DIAPH2: variants seen among roughly 807,000 people sequenced by gnomAD.
The protein encoded by DIAPH2 is diaphanous related formin 2, also known as protein diaphanous homolog 2.
DIAPH2 carries 35 observed loss-of-function variants against 92.7 expected under a neutral mutation model. The ratio of observed to expected loss-of-function variants is 0.38; its 90% CI spans 0.29 to 0.50. The LOEUF (loss-of-function observed/expected upper bound fraction) is 0.50, where lower values mean the gene tolerates loss of function less well. Ranked by LOEUF, DIAPH2 falls within the 20% of genes least tolerant of loss-of-function variation. The pLI, the probability that DIAPH2 is intolerant of heterozygous loss-of-function variation, is 0.94. For missense variants in DIAPH2, 701 were observed against 819.5 expected, an observed-to-expected ratio of 0.86 and a Z score of 1.77; for synonymous variants, 301 against 280.4, an observed-to-expected ratio of 1.07 and a Z score of -0.73.
At chrX:96,743,694 G>C (rs1188017726) in intron 3 of DIAPH2, among the ~76,000 whole-genome samples, 1 of 111,665 alleles carries the variant, frequency 9.0e-6, no homozygotes, top group Non-Finnish European at 1.9e-5. Context: ...AGGGTAATTG[G>C]GCAGTGGGGA....
chrX:97,116,410 A>G (rs775595739), intron 21 of DIAPH2, among the ~76,000 whole-genome samples: 12 of 112,217 alleles, frequency 1.1e-4, no homozygotes, highest in Admixed American at 6.6e-4. Context: ...ATATTTGGGG[A>G]CATGTAAAAT....
intron 17 of DIAPH2, among the ~76,000 whole-genome samples, chrX:96,975,778 T>C (rs1224773111): frequency 9.0e-6 from 1 of 111,020 alleles, no homozygotes; most frequent in Non-Finnish European, 1.9e-5. Flanking sequence ...TAACTTCACA[T>C]GGTGGAAGTG....
At chrX:97,126,031 C>T (rs1022129611) in intron 21 of DIAPH2, among the ~76,000 whole-genome samples, 5 of 111,731 alleles carry the variant, frequency 4.5e-5, no homozygotes, top group African/African-American at 1.3e-4. Flanking sequence ...TAAATGAACC[C>T]AGCTGGCTTC....
intron 26 of DIAPH2, among the ~76,000 whole-genome samples, chrX:97,537,828 G>C (rs1220431794): frequency 9.0e-6 from 1 of 110,545 alleles, no homozygotes; most frequent in East Asian, 2.8e-4. Flanking sequence ...TCAGTGGCTT[G>C]ACTATAACCT....
chrX:97,062,474 T>C (rs2066605776), intron 17 of DIAPH2, among the ~76,000 whole-genome samples: 1 of 110,978 alleles, frequency 9.0e-6, no homozygotes, highest in South Asian at 3.9e-4. Context: ...GGTATGAGTG[T>C]GTTAGAATTC....
chrX:97,350,315 A>C (rs1164492716), intron 24 of DIAPH2, among the ~76,000 whole-genome samples: 1 of 111,087 alleles, frequency 9.0e-6, no homozygotes. Flanking sequence ...AAGAATATAT[A>C]TGTAAAATAT....
chrX:96,825,008 T>C (rs6615871), intron 4 of DIAPH2, among the ~76,000 whole-genome samples: 11,863 of 106,973 alleles, frequency 0.11, 606 homozygotes, highest in East Asian at 0.31. Context: ...TGCATTGGCG[T>C]GATCTCAGCT....
At chrX:96,991,538 T>TC (rs36085305) in intron 17 of DIAPH2, among the ~76,000 whole-genome samples, 5,027 of 20,521 alleles carry the variant, frequency 0.24, 160 homozygotes, top group South Asian at 0.39. Flanking sequence ...TGTTTTATGG[T>TC]GTTTTTTTTT....
chrX:97,032,808 G>A (rs1454878607), intron 17 of DIAPH2, among the ~76,000 whole-genome samples: 1 of 111,610 alleles, frequency 9.0e-6, no homozygotes, highest in African/African-American at 3.2e-5. Context: ...TTTGCCTAAA[G>A]GATGTACTGC....
At position 97,560,882 on chromosome X, in the gene DIAPH2, T is replaced by C. The variant is rs377486439; in HGVS notation, c.3242-38371T>C. On this transcript the variant is annotated intron_variant, in intron 26 of 26. Transcript: ENST00000324765. Reference sequence around the variant, plus strand: ...TAAGTCCAGCTCCAATTATACTGCATATCCTAGAATGGACCATTACATTAA... The same window carrying C: ...TAAGTCCAGCTCCAATTATACTGCACATCCTAGAATGGACCATTACATTAA... Among the ~76,000 whole-genome samples, 19 of 112,735 alleles carry C rather than the reference T, an allele frequency of 1.7e-4. No homozygotes were observed. In the South Asian group the frequency reaches 6.9e-3, roughly 41 times the overall value.
chrX:96,741,046 T>C (rs6620146), intron 3 of DIAPH2, among the ~76,000 whole-genome samples: 14,970 of 108,793 alleles, frequency 0.14, 880 homozygotes, highest in East Asian at 0.32. Context: ...CCTTTTAGTA[T>C]CTGCATTCAT....
At chrX:97,217,790 ACAAAAATT>A (rs2067895087) in intron 22 of DIAPH2, among the ~76,000 whole-genome samples, 1 of 110,407 alleles carries the variant, frequency 9.1e-6, no homozygotes. Context: ...TACCAAAAAT[ACAAAAATT>A]AGCTAGGCAT....
intron 22 of DIAPH2, among the ~76,000 whole-genome samples, chrX:97,170,946 A>C (rs2067448765): frequency 9.1e-6 from 1 of 109,919 alleles, no homozygotes; most frequent in Admixed American, 9.8e-5. Flanking sequence ...GTGCGATCTT[A>C]GCTCACTGCA....
chrX:97,097,428 A>G (rs2066876959), intron 19 of DIAPH2, among the ~76,000 whole-genome samples: 1 of 112,121 alleles, frequency 8.9e-6, no homozygotes, highest in Admixed American at 9.5e-5. Context: ...AATACATCCA[A>G]GGCCACTAAA....
At chrX:97,301,628 G>A (rs1429187897) in intron 23 of DIAPH2, among the ~76,000 whole-genome samples, 9 of 111,581 alleles carry the variant, frequency 8.1e-5, no homozygotes, top group Non-Finnish European at 1.7e-4. Flanking sequence ...TTCAAATCCA[G>A]AGATTTGTGG....
chrX:96,758,248 C>G lies in DIAPH2; in HGVS notation c.437C>G (p.Thr146Ser). Residue 146 changes from threonine to serine, a missense_variant, in exon 4 of 27, where the codon ACT becomes AGT. Thr to Ser is a moderately conservative substitution (Grantham distance 58). Around this residue, in one of 3 missense-constraint regions of DIAPH2, gnomAD observed 131 missense variants for 145.6 expected, o/e 0.90. Coordinates refer to ENST00000324765, the MANE Select transcript of DIAPH2 (RefSeq NM_006729.5). ...REMVVQYISA[T>S]AKSGGLKNSK... ...ATGGTTGTCCAGTATATTTCTGCCA[C>G]TGCCAAATCTGTAAGTAGGGAGATT... 1 of 1,199,529 alleles carries G rather than the reference C, an allele frequency of 8.3e-7. No individual in the cohort carries two copies. The highest frequency in any genetic ancestry group is 1.8e-5 in the South Asian group (1 of 54,335).
intron 26 of DIAPH2, among the ~76,000 whole-genome samples, chrX:97,477,616 ATCTATC>A (rs1438773876): frequency 8.1e-5 from 4 of 49,164 alleles, no homozygotes; most frequent in African/African-American, 2.0e-4. Context: ...AAAAAAATCT[ATCTATC>A]TATCTATATA....
intron 26 of DIAPH2, among the ~76,000 whole-genome samples, chrX:97,454,506 A>G (rs1441323346): frequency 9.0e-6 from 1 of 111,626 alleles, no homozygotes; most frequent in Non-Finnish European, 1.9e-5. Context: ...TACTTCCTTC[A>G]CATTTTTTAC....
chrX:97,092,914 G>A (rs1394536672), intron 19 of DIAPH2, among the ~76,000 whole-genome samples: 3 of 111,372 alleles, frequency 2.7e-5, no homozygotes, highest in African/African-American at 9.8e-5. Context: ...GCCAGGCACA[G>A]TGGCTTACAC....
Sources: allele counts gnomAD v4.1 joint callset (sites outside exome capture counted in the v4.1 genomes callset), GRCh38; gene constraint gnomAD v4.1.1; regional missense constraint gnomAD v4.1.1; transcripts MANE v1.5; gene names NCBI Gene and HGNC (gene_info 2026-07-23, HGNC 2026-07-21).